Variants in NIPA2 observed in about 807,000 individuals in gnomAD.
NIPA2 encodes the protein NIPA magnesium transporter 2.
In NIPA2, 11 loss-of-function variants were observed where a neutral mutation model predicts 29.7. The observed-to-expected ratio is 0.37, with a 90% CI of 0.23 to 0.61. NIPA2 has a LOEUF of 0.61. Among genes scored for constraint, NIPA2 ranks in the 20% least tolerant of loss-of-function variants. NIPA2 has a pLI of 0.66. For synonymous variants in NIPA2, 183 were observed against 161.9 expected (o/e 1.13, Z -0.99); for missense variants, 426 against 437.9 (o/e 0.97, Z 0.24).
intron 2 of NIPA2, 138 bp downstream of exon 2, chr15:22,839,928 CA>C (rs1417847900): frequency 6.6e-6 from 1 of 152,056 alleles, no homozygotes; most frequent in Non-Finnish European, 1.5e-5. Context: ...TTAAATCTAA[CA>C]TGTATTTAAT....
At chr15:22,853,306 T>C (rs1345264340) in intron 5 of NIPA2, 38 bp downstream of exon 5, 2 of 1,325,530 alleles carry the variant, frequency 1.5e-6, no homozygotes. Flanking sequence ...ATATGATAGC[T>C]ATATATTAAA....
chr15:22,852,173 A>T (rs1411986342), intron 4 of NIPA2, among the ~76,000 whole-genome samples: 1 of 152,218 alleles, frequency 6.6e-6, no homozygotes, highest in South Asian at 2.1e-4. Context: ...AGGAAATAAG[A>T]GTCCATGGTT....
Position 22,867,290 on chromosome 15 carries a change from A to AAAG in NIPA2, c.*444_*446dup, listed in dbSNP as rs1428653472. 1.0e-5 allele frequency: 4 copies of AAAG among 398,564 alleles called. No homozygotes were observed. Among genetic ancestry groups the AAAG allele is most frequent in the East Asian group, 7.1e-5 (2 of 28,026 alleles). 24.7% of individuals were successfully genotyped at this position (398,564 alleles called of 1,614,324 possible). ...TATCCTGTGATTTACCTTACCTACAAAAGTGGCTCCTGTTTGTTTGATGAT... is the reference window on the plus strand; with the variant it reads ...TATCCTGTGATTTACCTTACCTACAAAAGAAGTGGCTCCTGTTTGTTTGATGAT... On this transcript the variant is annotated 3_prime_UTR_variant, in exon 8 of 8. Transcript: ENST00000337451.
At position 22,860,707 on chromosome 15, in the gene NIPA2, A is replaced by T. The variant is rs1272953874; in HGVS notation, c.366A>T (p.Gly122=). 6.2e-7 allele frequency: 1 copy of T among 1,602,394 alleles called. No homozygotes were observed. Among genetic ancestry groups the T allele is most frequent in the East Asian group, 2.3e-5 (1 of 44,406 alleles). Residue 122 remains glycine, a synonymous_variant, in exon 7 of 8, where the codon GGA becomes GGT. Transcript: ENST00000337451. ...GKIGCLLSIL[G]STVMVIHAPK... ...TTGGGTGTTTGCTAAGTATTCTAGG[A>T]TCTACAGTTATGGTCATTCATGCTC... is the stretch of plus-strand genomic sequence containing the variant.
intron 7 of NIPA2, among the ~76,000 whole-genome samples, chr15:22,864,555 G>C (rs908380876): frequency 6.6e-6 from 1 of 152,204 alleles, no homozygotes; most frequent in Non-Finnish European, 1.5e-5. Flanking sequence ...TGACTGGGGG[G>C]AAGGATTAAT....
chr15:22,864,867 CCT>C (rs1188933877), intron 7 of NIPA2, among the ~76,000 whole-genome samples: 2 of 151,932 alleles, frequency 1.3e-5, no homozygotes, highest in African/African-American at 2.4e-5. Flanking sequence ...TATCTTCGGT[CCT>C]CTCTTTTTTC....
intron 2 of NIPA2, among the ~76,000 whole-genome samples, chr15:22,842,936 G>A (rs1897503350): frequency 6.6e-6 from 1 of 151,744 alleles, no homozygotes; most frequent in Admixed American, 6.6e-5. Flanking sequence ...CCAGGAGGCG[G>A]AGCTTGCAGT....
chr15:22,863,585 G>A (rs1379323514), intron 7 of NIPA2, among the ~76,000 whole-genome samples: 1 of 152,326 alleles, frequency 6.6e-6, no homozygotes, highest in South Asian at 2.1e-4. Context: ...TGCAGCTTGT[G>A]TGCCAAGAAA....
intron 7 of NIPA2, among the ~76,000 whole-genome samples, chr15:22,861,927 A>G (rs2058648769): frequency 6.6e-6 from 1 of 151,908 alleles, no homozygotes; most frequent in Non-Finnish European, 1.5e-5. Context: ...TGGTAGAAAC[A>G]AGGTTTTACC....
chr15:22,862,898 CTTTTTTT>C (rs59317671), intron 7 of NIPA2, among the ~76,000 whole-genome samples: 4 of 110,258 alleles, frequency 3.6e-5, no homozygotes, highest in African/African-American at 7.2e-5. Context: ...TGCCTTTATT[CTTTTTTT>C]TTTTTTTTTT....
intron 5 of NIPA2, among the ~76,000 whole-genome samples, chr15:22,855,899 C>T (rs1392141515): frequency 6.6e-6 from 1 of 152,164 alleles, no homozygotes; most frequent in African/African-American, 2.4e-5. Flanking sequence ...CAGTGACTCC[C>T]CTCCTGGTAT....
chr15:22,842,346 C>T (rs1007481581), intron 2 of NIPA2, among the ~76,000 whole-genome samples: 14 of 152,172 alleles, frequency 9.2e-5, no homozygotes, highest in African/African-American at 3.4e-4. Context: ...AGAATAGCAG[C>T]AGAGTGCTGA....
chr15:22,851,089 G>A (rs17137367), intron 3 of NIPA2, among the ~76,000 whole-genome samples: 5,121 of 152,124 alleles, frequency 0.034, 302 homozygotes, highest in African/African-American at 0.12. Flanking sequence ...CATACTGCAC[G>A]CCCCAGCAGA....
rs149797012 is a variant in NIPA2, at chr15:22,848,171, A to G, written c.-94+2904A>G. ...GGTGACCCTGACTCATGAGAAGGAT[A>G]TACCTGCCAGGAGGGCTGAAGCGTT... On this transcript the variant is annotated intron_variant, in intron 3 of 7. Coordinates refer to ENST00000337451, the MANE Select transcript of NIPA2 (RefSeq NM_030922.7). Among the ~76,000 whole-genome samples the G allele has an allele frequency of 1.0e-3, 153 of 152,252 alleles. 1 individual carries two copies. The highest frequency in any genetic ancestry group is 3.4e-3 in the Middle Eastern group (1 of 294).
intron 1 of NIPA2, 101 bp downstream of exon 1, chr15:22,839,022 C>G (rs990518523): frequency 6.6e-6 from 1 of 152,248 alleles, no homozygotes; most frequent in African/African-American, 2.4e-5. Flanking sequence ...GGCAACTTTC[C>G]TTTCCGGGTG....
At position 22,860,723 on chromosome 15, in the gene NIPA2, AT is replaced by A; in HGVS notation, c.384del (p.His129MetfsTer11). 6.2e-7 allele frequency: 1 copy of A among 1,604,114 alleles called. No homozygotes were observed. Among genetic ancestry groups the A allele is most frequent in the Non-Finnish European group, 8.5e-7 (1 of 1,176,060 alleles). On this transcript the variant is annotated frameshift_variant, in exon 7 of 8. Coordinates refer to ENST00000337451, the MANE Select transcript of NIPA2 (RefSeq NM_030922.7). LOFTEE classifies it high-confidence loss of function. ...LSILGSTVMV[I>X]HAPKEEEIET... ...TATTCTAGGATCTACAGTTATGGTC[AT>A]TCATGCTCCAAAGGAAGAGGAGATT...
intron 5 of NIPA2, 68 bp downstream of exon 5, chr15:22,853,336 T>A: frequency 1.0e-6 from 1 of 969,978 alleles, no homozygotes; most frequent in Non-Finnish European, 1.6e-6. Flanking sequence ...TATGGTATTA[T>A]AGCCTCATTA....
chr15:22,868,331 CAGAG>C lies in NIPA2; in HGVS notation c.*1486_*1489del, dbSNP rs1422384277. Reference sequence around the variant, plus strand: ...GAACCAGTTTTCTCCCCCTTGAGGACAGAGACTCATTTGAACATGCATAGGTTAA... The same window carrying C: ...GAACCAGTTTTCTCCCCCTTGAGGACACTCATTTGAACATGCATAGGTTAA... On this transcript the variant is annotated 3_prime_UTR_variant, in exon 8 of 8. Transcript: ENST00000337451. The C allele has an allele frequency of 6.6e-6, 1 of 152,134 alleles. No homozygotes were observed. The highest frequency in any genetic ancestry group is 2.4e-5 in the African/African-American group (1 of 41,408). The allele number at this position is 152,134 out of a possible 1,614,324, so 9.4% of individuals were successfully genotyped here. A position where few individuals can be genotyped will look rare whatever the true frequency, so the allele number is the denominator to read the frequency against.
chr15:22,859,664 C>T (rs1264661136), intron 6 of NIPA2, among the ~76,000 whole-genome samples: 4 of 152,092 alleles, frequency 2.6e-5, no homozygotes. Flanking sequence ...CCCATTTCTG[C>T]TTTGTAATGA....
Sources: allele counts gnomAD v4.1 joint callset (sites outside exome capture counted in the v4.1 genomes callset), GRCh38; gene constraint gnomAD v4.1.1; transcripts MANE v1.5; gene names NCBI Gene and HGNC (gene_info 2026-07-23, HGNC 2026-07-21).